Variants in MME observed in about 807,000 individuals in gnomAD.
The protein encoded by MME is neprilysin.
A neutral mutation model predicts 113.2 loss-of-function variants in MME; 98 were observed. That is an observed-to-expected ratio of 0.87 (90% CI 0.74 to 1.02). The LOEUF (loss-of-function observed/expected upper bound fraction) is 1.02. Among genes scored for constraint, MME ranks in the 50% least tolerant of loss-of-function variants. The probability of loss-of-function intolerance (pLI) is 0.00; values close to 1 mark genes in which losing one functional copy is unlikely to be tolerated. For synonymous variants in MME, 292 were observed against 300.6 expected (o/e 0.97, Z 0.30); for missense variants, 836 against 896.0 (o/e 0.93, Z 0.86).
chr3:155,150,742 C>CT (rs1721863330), intron 16 of MME, among the ~76,000 whole-genome samples: 1 of 152,124 alleles, frequency 6.6e-6, no homozygotes, highest in South Asian at 2.1e-4. Flanking sequence ...TGTTATTTCC[C>CT]TTTTGTGTGA....
At chr3:155,153,038 C>CTT (rs112469021) in intron 16 of MME, among the ~76,000 whole-genome samples, 3 of 140,060 alleles carry the variant, frequency 2.1e-5, no homozygotes, top group Non-Finnish European at 3.1e-5. Flanking sequence ...CAGGGATTTA[C>CTT]TTTTTTTTTT....
intron 1 of MME, among the ~76,000 whole-genome samples, chr3:155,031,530 T>C (rs1033366657): frequency 7.2e-5 from 11 of 152,230 alleles, no homozygotes; most frequent in African/African-American, 2.7e-4. Flanking sequence ...GAAATAGTTT[T>C]AGGCAATCTC....
At chr3:155,129,499 C>A (rs573740488) in intron 8 of MME, among the ~76,000 whole-genome samples, 11 of 152,030 alleles carry the variant, frequency 7.2e-5, no homozygotes, top group African/African-American at 2.7e-4. Flanking sequence ...TGGATACCCT[C>A]ATAATGGAAT....
intron 8 of MME, among the ~76,000 whole-genome samples, chr3:155,134,373 A>G (rs897024257): frequency 9.2e-5 from 14 of 152,068 alleles, no homozygotes; most frequent in Non-Finnish European, 1.5e-4. Context: ...TCCTACTTAT[A>G]AATGAGAACA....
rs576443367 is a variant in MME at position 155,067,300 on chromosome 3, C to CTTTT, written c.-10-16835_-10-16832dup. On this transcript the variant is annotated intron_variant, in intron 1 of 22. Transcript: ENST00000492661. ...GATTTAGCTTTTGCAATTTATTTTC[C>CTTTT]TTTTTTTTTTTTTTTTTTTTTTTTT... 2.6e-4 allele frequency among the ~76,000 whole-genome samples: 24 copies of CTTTT among 92,072 alleles called. 2 individuals are homozygous for CTTTT. Among genetic ancestry groups the CTTTT allele is most frequent in the Non-Finnish European group, 3.5e-4 (16 of 45,290 alleles). 60.4% of individuals were successfully genotyped at this position (92,072 alleles called of 152,430 possible).
chr3:155,145,955 T>A (rs1051678543), intron 14 of MME, among the ~76,000 whole-genome samples: 25 of 152,052 alleles, frequency 1.6e-4, no homozygotes, highest in African/African-American at 5.8e-4. Flanking sequence ...ACTGGGGAAA[T>A]CCTGGGCTCA....
intron 8 of MME, among the ~76,000 whole-genome samples, chr3:155,133,666 A>ATATGTATGG (rs1159151802): frequency 2.3e-4 from 1 of 4,280 alleles, no homozygotes; most frequent in Non-Finnish European, 8.1e-4. Context: ...CACACACCAT[A>ATATGTATGG]TATATATATA....
chr3:155,065,360 A>T (rs1283400716), intron 1 of MME, among the ~76,000 whole-genome samples: 2 of 152,186 alleles, frequency 1.3e-5, no homozygotes, highest in Non-Finnish European at 2.9e-5. Flanking sequence ...TTAAGGACCT[A>T]CCAGAATGGC....
intron 16 of MME, among the ~76,000 whole-genome samples, chr3:155,150,031 T>G (rs1378906009): frequency 6.6e-6 from 1 of 152,194 alleles, no homozygotes; most frequent in Non-Finnish European, 1.5e-5. Flanking sequence ...AAAATAATTA[T>G]CTGGGTGAAT....
chr3:155,126,921 C>T (rs905570293), intron 8 of MME, among the ~76,000 whole-genome samples: 3 of 150,556 alleles, frequency 2.0e-5, no homozygotes, highest in African/African-American at 7.3e-5. Flanking sequence ...GCAGGAGAAT[C>T]GCTTGAACCC....
chr3:155,067,510 C>T (rs1007626714), intron 1 of MME, among the ~76,000 whole-genome samples: 25 of 151,776 alleles, frequency 1.6e-4, no homozygotes, highest in African/African-American at 5.3e-4. Flanking sequence ...AGGGTTTCAC[C>T]GTGTTGGTCA....
chr3:155,035,388 G>C (rs61064256), intron 1 of MME, among the ~76,000 whole-genome samples: 4,471 of 151,198 alleles, frequency 0.03, 189 homozygotes, highest in African/African-American at 0.093. Context: ...CAAGGTGATA[G>C]AGATATGATA....
At position 155,144,430 on chromosome 3, in the gene MME, C is replaced by G; in HGVS notation, c.1389C>G (p.Ala463=). ...TAGATGACCTCACTTGGATGGATGC[C>G]GAGACAAAAAAGAGAGCTGAAGAAA... ...QTLDDLTWMD[A]ETKKRAEEKA... Residue 463 remains alanine, a synonymous_variant, in exon 14 of 23, where the codon GCC becomes GCG. Coordinates refer to ENST00000360490, the MANE Select transcript of MME (RefSeq NM_007289.4). 1 of 1,611,546 alleles carries G rather than the reference C, an allele frequency of 6.2e-7. No homozygotes were observed. The highest frequency in any genetic ancestry group is 1.1e-5 in the South Asian group (1 of 90,992).
At chr3:155,064,519 T>C (rs1714322673) in intron 1 of MME, among the ~76,000 whole-genome samples, 1 of 152,210 alleles carries the variant, frequency 6.6e-6, no homozygotes, top group Non-Finnish European at 1.5e-5. Flanking sequence ...ATGAGGACTA[T>C]CACACACTGT....
intron 16 of MME, among the ~76,000 whole-genome samples, chr3:155,151,522 G>C (rs1230440313): frequency 6.6e-6 from 1 of 152,068 alleles, no homozygotes; most frequent in Admixed American, 6.5e-5. Flanking sequence ...ATTTGACTCA[G>C]ATCCATTTAC....
chr3:155,064,304 A>C (rs770595653), intron 1 of MME, among the ~76,000 whole-genome samples: 1 of 152,114 alleles, frequency 6.6e-6, no homozygotes, highest in Non-Finnish European at 1.5e-5. Context: ...AAAATTATAC[A>C]TATATAATAT....
chr3:155,134,473 T>A (rs1720457042), intron 8 of MME, among the ~76,000 whole-genome samples: 1 of 152,196 alleles, frequency 6.6e-6, no homozygotes, highest in South Asian at 2.1e-4. Context: ...CATGATTTCA[T>A]TCTTTTTTAT....
chr3:155,063,644 T>A (rs1424369606), intron 1 of MME, among the ~76,000 whole-genome samples: 2 of 122,316 alleles, frequency 1.6e-5, no homozygotes, highest in Non-Finnish European at 3.2e-5. Flanking sequence ...TGATTATATA[T>A]TATATTTGAT....
chr3:155,084,104 CA>C, intron 1 of MME, 53 bp from the exon 2 acceptor site: 4 of 1,381,620 alleles, frequency 2.9e-6, no homozygotes, highest in Non-Finnish European at 4.1e-6. Context: ...AGCATTTGGA[CA>C]TTTTCTTTTT....
Sources: gnomAD v4.1 joint callset for allele counts (sites outside exome capture counted in the v4.1 genomes callset) on GRCh38, gnomAD v4.1.1 for gene constraint, MANE v1.5 for transcripts, NCBI Gene and HGNC (gene_info 2026-07-23, HGNC 2026-07-21) for gene names.